The following ZFYVE9 variants were observed in gnomAD, a reference collection of about 807,000 sequenced individuals.
ZFYVE9 encodes the protein zinc finger FYVE-type containing 9.
Under a neutral mutation model 126.7 loss-of-function variants are expected in ZFYVE9, and 43 were observed. The ratio of observed to expected loss-of-function variants is 0.34; its 90% CI spans 0.27 to 0.44. The LOEUF is 0.44. Ranked by LOEUF, ZFYVE9 falls within the 20% of genes least tolerant of loss-of-function variation. ZFYVE9 has a pLI of 1.00. For missense variants in ZFYVE9, 1,476 were observed against 1,697.0 expected, an observed-to-expected ratio of 0.87 and a Z score of 2.29; for synonymous variants, 521 against 597.4, an observed-to-expected ratio of 0.87 and a Z score of 1.87.
intron 1 of ZFYVE9, among the ~76,000 whole-genome samples, chr1:52,192,757 T>A (rs1216278501): frequency 6.6e-6 from 1 of 152,072 alleles, no homozygotes; most frequent in Non-Finnish European, 1.5e-5. Flanking sequence ...GACAAAGAAT[T>A]TGAACAGGAG....
intron 11 of ZFYVE9, among the ~76,000 whole-genome samples, chr1:52,295,339 GGTTTGTTT>G (rs144066928): frequency 0.045 from 6,722 of 149,642 alleles, 485 homozygotes; most frequent in African/African-American, 0.15. Context: ...AGACCTTGTG[GGTTTGTTT>G]GTTTGTTTGT....
intron 2 of ZFYVE9, among the ~76,000 whole-genome samples, chr1:52,220,291 A>G (rs766076995): frequency 6.6e-6 from 1 of 152,182 alleles, no homozygotes; most frequent in Non-Finnish European, 1.5e-5. Flanking sequence ...TGATGTGTGC[A>G]GTGAAGTGAG....
intron 17 of ZFYVE9, among the ~76,000 whole-genome samples, chr1:52,343,320 C>T (rs368935671): frequency 1.9e-4 from 29 of 152,052 alleles, no homozygotes; most frequent in African/African-American, 6.5e-4. Context: ...GTGGCAGGCT[C>T]CTGTAATCCT....
chr1:52,219,494 G>A (rs1645102814), intron 2 of ZFYVE9, among the ~76,000 whole-genome samples: 6 of 151,788 alleles, frequency 4.0e-5, no homozygotes, highest in Admixed American at 3.9e-4. Context: ...TATTAGATAA[G>A]GTCCTTCCCA....
intron 1 of ZFYVE9, among the ~76,000 whole-genome samples, chr1:52,170,021 A>G (rs1040744505): frequency 6.6e-6 from 1 of 152,180 alleles, no homozygotes; most frequent in Non-Finnish European, 1.5e-5. Flanking sequence ...TGCAGATTTT[A>G]CTTAAGAAGA....
At chr1:52,328,117 A>G (rs1033805832) in intron 13 of ZFYVE9, among the ~76,000 whole-genome samples, 1 of 152,186 alleles carries the variant, frequency 6.6e-6, no homozygotes, top group African/African-American at 2.4e-5. Context: ...GGGTTAGAGC[A>G]TAGGAAGCTT....
chr1:52,274,195 T>G (rs1265457319), intron 7 of ZFYVE9, among the ~76,000 whole-genome samples: 1 of 152,216 alleles, frequency 6.6e-6, no homozygotes, highest in African/African-American at 2.4e-5. Context: ...TAAAGGAAGC[T>G]TTAATGCAGG....
chr1:52,258,505 C>G (rs578028128), intron 4 of ZFYVE9, among the ~76,000 whole-genome samples: 1 of 152,238 alleles, frequency 6.6e-6, no homozygotes, highest in East Asian at 1.9e-4. Context: ...AAGAACTGGC[C>G]CACCTAAAAT....
intron 1 of ZFYVE9, among the ~76,000 whole-genome samples, chr1:52,145,213 T>G (rs1364512732): frequency 6.6e-6 from 1 of 152,234 alleles, no homozygotes; most frequent in Non-Finnish European, 1.5e-5. Flanking sequence ...AGGAAATAAT[T>G]GCTTATATTG....
intron 1 of ZFYVE9, among the ~76,000 whole-genome samples, chr1:52,215,776 A>G (rs1645066616): frequency 6.6e-6 from 1 of 152,226 alleles, no homozygotes; most frequent in Admixed American, 6.5e-5. Flanking sequence ...GAAGGAAGCA[A>G]TATTTGAAGA....
chr1:52,294,960 T>C (rs1307465937), intron 11 of ZFYVE9, among the ~76,000 whole-genome samples: 1 of 152,174 alleles, frequency 6.6e-6, no homozygotes, highest in Non-Finnish European at 1.5e-5. Flanking sequence ...TCCAGCACTT[T>C]TGAGAGGTGG....
intron 1 of ZFYVE9, among the ~76,000 whole-genome samples, chr1:52,160,990 C>T (rs919177044): frequency 6.6e-6 from 1 of 152,118 alleles, no homozygotes; most frequent in Non-Finnish European, 1.5e-5. Context: ...AGCCTGTTTA[C>T]TGATGATATT....
chr1:52,171,485 C>T (rs1182854267), intron 1 of ZFYVE9, among the ~76,000 whole-genome samples: 3 of 152,184 alleles, frequency 2.0e-5, no homozygotes, highest in Non-Finnish European at 4.4e-5. Context: ...TTTACAGCAG[C>T]ATGATTTATA....
At chr1:52,183,180 G>A (rs1644730830) in intron 1 of ZFYVE9, among the ~76,000 whole-genome samples, 1 of 152,166 alleles carries the variant, frequency 6.6e-6, no homozygotes, top group Non-Finnish European at 1.5e-5. Flanking sequence ...AGATGTTGAG[G>A]ATGTTTACAG....
intron 1 of ZFYVE9, among the ~76,000 whole-genome samples, chr1:52,151,080 A>G (rs1424648005): frequency 6.6e-6 from 1 of 151,564 alleles, no homozygotes; most frequent in Non-Finnish European, 1.5e-5. Flanking sequence ...CTCAGTGTTT[A>G]AAAAGCAAGG....
intron 2 of ZFYVE9, among the ~76,000 whole-genome samples, chr1:52,229,971 C>T (rs184215509): frequency 6.6e-6 from 1 of 151,932 alleles, no homozygotes; most frequent in Admixed American, 6.6e-5. Context: ...AGGTTCACGC[C>T]ATTCTCCTGC....
At chr1:52,239,710 C>A in intron 4 of ZFYVE9, 115 bp downstream of exon 4, 2 of 1,193,682 alleles carry the variant, frequency 1.7e-6, no homozygotes, top group Non-Finnish European at 2.3e-6. Context: ...ACCTAAATAG[C>A]ATTTTTGAAA....
At chr1:52,214,302 C>A (rs1457948380) in intron 1 of ZFYVE9, among the ~76,000 whole-genome samples, 1 of 152,078 alleles carries the variant, frequency 6.6e-6, no homozygotes, top group African/African-American at 2.4e-5. Flanking sequence ...TGGCAGATGC[C>A]TGTAATCCCA....
intron 1 of ZFYVE9, among the ~76,000 whole-genome samples, chr1:52,209,323 C>CT (rs532210268): frequency 0.027 from 4,128 of 151,322 alleles, 179 homozygotes; most frequent in African/African-American, 0.093. Context: ...TGGATGAAGA[C>CT]TTTTTTTTTA....
Sources: allele counts gnomAD v4.1 joint callset (sites outside exome capture counted in the v4.1 genomes callset), GRCh38; gene constraint gnomAD v4.1.1; transcripts MANE v1.5; gene names NCBI Gene and HGNC (gene_info 2026-07-23, HGNC 2026-07-21).